KCND1: variants seen among roughly 807,000 people sequenced by gnomAD.
KCND1 encodes the protein A-type voltage-gated potassium channel KCND1.
In KCND1, 11 loss-of-function variants were observed where a neutral mutation model predicts 31.8. The ratio of observed to expected loss-of-function variants is 0.35; its 90% CI spans 0.22 to 0.57. The LOEUF (loss-of-function observed/expected upper bound fraction) is 0.57. Ranked by LOEUF, KCND1 falls within the 20% of genes least tolerant of loss-of-function variation. The pLI is 0.85. For synonymous variants in KCND1, 234 were observed against 248.1 expected (o/e 0.94, Z 0.53); for missense variants, 471 against 596.8 (o/e 0.79, Z 2.20).
rs2064353410 is a variant in KCND1 at position 48,966,315 on chromosome X, G to C, written c.1468-10C>G. ...CTGTGAACTCATGGCACTATGGGCA[G>C]AAGGGAGGCAGGGTCACGGGGCATC... On this transcript the variant is annotated splice_polypyrimidine_tract_variant and intron_variant, in intron 4 of 5. Coordinates refer to ENST00000218176, the MANE Select transcript of KCND1 (RefSeq NM_004979.6). The C allele has an allele frequency of 8.5e-7, 1 of 1,175,415 alleles. No homozygotes were observed. The highest frequency in any genetic ancestry group is 1.1e-6 in the Non-Finnish European group (1 of 876,945).
At chrX:48,969,108 G>A in intron 1 of KCND1, 43 bp downstream of exon 1, 1 of 1,147,132 alleles carries the variant, frequency 8.7e-7, no homozygotes, top group Non-Finnish European at 1.2e-6. Context: ...TACAGAAAGG[G>A]TGAGTGTAAT....
At position 48,967,088 on chromosome X, in the gene KCND1, G is replaced by C; in HGVS notation, c.1140C>G (p.Pro380=). 9.9e-6 allele frequency: 12 copies of C among 1,209,886 alleles called. No homozygotes were observed. The highest frequency in any genetic ancestry group is 1.3e-5 in the Non-Finnish European group (12 of 894,395). The change falls in exon 2 of 6, where the codon CCC becomes CCG. Residue 380 remains proline, a synonymous_variant. Transcript: ENST00000218176. ...CGAAAATCTTGCCAGCAATGGTGCT[G>C]GGCACCATGTCTCCGTAGCTGGAGC... is the stretch of plus-strand genomic sequence containing the variant. ...MTTLGYGDMV[P]STIAGKIFGS... is the part of the protein sequence containing the mutation.
intron 5 of KCND1, among the ~76,000 whole-genome samples, chrX:48,965,598 A>G (rs2064348157): frequency 1.8e-5 from 2 of 111,646 alleles, no homozygotes; most frequent in South Asian, 7.5e-4. Flanking sequence ...TGAAGAGGCC[A>G]GGCGAGGTGG....
At chrX:48,969,062 G>T in intron 1 of KCND1, 89 bp downstream of exon 1, 1 of 959,828 alleles carries the variant, frequency 1.0e-6, no homozygotes, top group Non-Finnish European at 1.4e-6. Context: ...TAAAAAGAAA[G>T]AAAGAAAGAG....
At position 48,969,696 on chromosome X, in the gene KCND1, G is replaced by C. The variant is rs2064374040; in HGVS notation, c.576C>G (p.Thr192=). Residue 192 remains threonine (T), a synonymous_variant, in exon 1 of 6, where the codon ACC becomes ACG. Transcript: ENST00000218176. ...TGACCGACACGGCGATGAAGAAGCCGGTCACATAGTAGAAAACGAGGGCTG... is the reference window on the plus strand; with the variant it reads ...TGACCGACACGGCGATGAAGAAGCCCGTCACATAGTAGAAAACGAGGGCTG... ...STAALVFYYV[T]GFFIAVSVIA... The C allele has an allele frequency of 8.3e-7, 1 of 1,208,240 alleles. No homozygotes were observed. The highest frequency in any genetic ancestry group is 1.1e-6 in the Non-Finnish European group (1 of 894,403).
Position 48,966,187 on chromosome X carries a change from A to C in KCND1, c.1586T>G (p.Leu529Arg). ...GGCCCTGCGAGGGCAGCAAGAAGAC[A>C]GCAGGCTTCCGGGTCCCACTGGCTG... Reference protein sequence around the residue: ...SSQPVGPGSLLSSCCPRRAKR... With the variant: ...SSQPVGPGSLRSSCCPRRAKR... The change falls in exon 5 of 6, where the codon CTG becomes CGG. Residue 529 changes from leucine (L) to arginine (R), a missense_variant. Transcript: ENST00000218176. 2 of 1,210,274 alleles carry C rather than the reference A, an allele frequency of 1.7e-6. No individual in the cohort carries two copies. Among genetic ancestry groups the C allele is most frequent in the Non-Finnish European group, 2.2e-6 (2 of 895,246 alleles).
intron 1 of KCND1, 31 bp downstream of exon 1, chrX:48,969,120 G>A (rs782563885): frequency 2.7e-5 from 32 of 1,174,558 alleles, no homozygotes; most frequent in Admixed American, 1.1e-4. Context: ...GAGTGTAATC[G>A]GGCAGCCCCC....
intron 3 of KCND1, 22 bp from the exon 4 acceptor site, chrX:48,966,698 G>A (rs782094368): frequency 3.3e-6 from 4 of 1,202,433 alleles, no homozygotes; most frequent in Admixed American, 4.4e-5. Flanking sequence ...GGAGCAGAGC[G>A]ATAAGGGCAG....
At position 48,962,497 on chromosome X, in the gene KCND1, G is replaced by T; in HGVS notation, c.*84C>A. On this transcript the variant is annotated 3_prime_UTR_variant, in exon 6 of 6. Transcript: ENST00000218176. The stretch of plus-strand genomic sequence containing the variant: ...GGGGGCAGAAGGGGTGCCCAAGCCT[G>T]CCCCTCTCTGCCTCCCAAAAATATG... 1 of 691,251 alleles carries T rather than the reference G, an allele frequency of 1.4e-6. No homozygotes were observed. 57.0% of individuals were successfully genotyped at this position (691,251 alleles called of 1,213,427 possible).
rs782688783 is a variant in KCND1, at chrX:48,969,468, G to A, written c.804C>T (p.Asp268=). 1.2e-5 allele frequency: 14 copies of A among 1,209,979 alleles called. No homozygotes were observed. The East Asian group carries it at 1.5e-4, about 13-fold the overall frequency. The change falls in exon 1 of 6, where the codon GAC becomes GAT. Residue 268 remains aspartate, a synonymous_variant. Transcript: ENST00000218176. ...RFLRSVMSLI[D]VVAILPYYIG... Reference sequence around the variant, plus strand: ...TGTAGTAGGGCAGGATGGCCACCACGTCGATGAGGCTCATGACACTCCGCA... The same window carrying A: ...TGTAGTAGGGCAGGATGGCCACCACATCGATGAGGCTCATGACACTCCGCA...
chrX:48,969,271 G>A lies in KCND1; in HGVS notation c.1001C>T (p.Thr334Ile). 1.7e-6 allele frequency: 2 copies of A among 1,211,064 alleles called. No homozygotes were observed. The highest frequency in any genetic ancestry group is 3.0e-5 in the East Asian group (1 of 33,838). ...AGTGGCAAAGATGATGATGGCCATG[G>A]TTAGGGAAAAGAGGAGAAAGCCCAG... ...SELGFLLFSL[T>I]MAIIIFATVM... Residue 334 changes from threonine (T) to isoleucine (I), a missense_variant, in exon 1 of 6, where the codon ACC becomes ATC. Thr to Ile is a moderately conservative substitution (Grantham distance 89). Transcript: ENST00000218176.
rs1285497469 is a variant in KCND1 at position 48,971,004 on chromosome X, G to C, written c.-733C>G. 2 of 110,402 alleles carry C rather than the reference G, an allele frequency of 1.8e-5. No individual in the cohort carries two copies. The highest frequency in any genetic ancestry group is 5.7e-4 in the East Asian group (2 of 3,500). 9.1% of individuals were successfully genotyped at this position (110,402 alleles called of 1,213,427 possible). ...CTAGAGTTGCCAAGAATAGCCCGGG[G>C]GGGTGTCTATACTCTACAGGAGTTC... On this transcript the variant is annotated 5_prime_UTR_variant, in exon 1 of 6. Transcript: ENST00000218176.
chrX:48,966,198 G>A lies in KCND1; in HGVS notation c.1575C>T (p.Pro525=), dbSNP rs782507180. The A allele has an allele frequency of 9.1e-6, 11 of 1,209,406 alleles. No homozygotes were observed. Among genetic ancestry groups the A allele is most frequent in the South Asian group, 1.8e-5 (1 of 56,416 alleles). The change falls in exon 5 of 6, where the codon CCC becomes CCT. Residue 525 remains proline (P), a synonymous_variant. Coordinates refer to ENST00000218176, the MANE Select transcript of KCND1 (RefSeq NM_004979.6). ...GGCAGCAAGAAGACAGCAGGCTTCCGGGTCCCACTGGCTGGGAAGACACAG... is the reference window on the plus strand; with the variant it reads ...GGCAGCAAGAAGACAGCAGGCTTCCAGGTCCCACTGGCTGGGAAGACACAG... ...STSVSSQPVG[P]GSLLSSCCPR...
At chrX:48,968,269 A>G (rs1458512098) in intron 1 of KCND1, 2 of 111,770 alleles carry the variant, frequency 1.8e-5, no homozygotes, top group Admixed American at 1.9e-4. Context: ...TGGAAAGCTC[A>G]TGAGTTCGAT....
rs782286317 is a variant in KCND1, at chrX:48,966,969, C to A, written c.1259G>T (p.Arg420Leu). 22 of 1,210,370 alleles carry A rather than the reference C, an allele frequency of 1.8e-5. No homozygotes were observed. The highest frequency in any genetic ancestry group is 2.3e-5 in the Non-Finnish European group (21 of 895,149). Residue 420 changes from arginine (R) to leucine (L), a missense_variant, in exon 2 of 6, where the codon CGG (arginine) becomes CTG (leucine). Transcript: ENST00000218176. ...CTGCTGTGCTCGGCGCTTGTCAGCC[C>A]GCTGGTTCTGGTGGTAGATGCGGCT... ...NFSRIYHQNQ[R>L]ADKRRAQQKV... is the part of the protein sequence containing the mutation.
chrX:48,962,835 G>C, intron 5 of KCND1, 29 bp from the exon 6 acceptor site: 2 of 1,165,379 alleles, frequency 1.7e-6, no homozygotes, highest in Non-Finnish European at 2.3e-6. Context: ...AAGATGGAAG[G>C]CTCTTAAAAA....
chrX:48,962,475 G>GT lies in KCND1; in HGVS notation c.*105_*106insA, dbSNP rs2147714616. 1 of 527,011 alleles carries GT rather than the reference G, an allele frequency of 1.9e-6. No individual in the cohort carries two copies. The highest frequency in any genetic ancestry group is 3.6e-5 in the East Asian group (1 of 27,447). The allele number at this position is 527,011 out of a possible 1,213,427, so 43.4% of individuals were successfully genotyped here. On this transcript the variant is annotated 3_prime_UTR_variant, in exon 6 of 6. Coordinates refer to ENST00000218176, the MANE Select transcript of KCND1 (RefSeq NM_004979.6). ...CCATTGCATAGTTCTCAGTGGGGGG[G>GT]GCAGAAGGGGTGCCCAAGCCTGCCC...
chrX:48,970,641 G>A lies in KCND1; in HGVS notation c.-370C>T, dbSNP rs1321754054. ...TGAGAGGTGTCTGGGGGCGTCTAGA[G>A]GGGCCAAGAAACACGTGGGGAATTC... is the stretch of plus-strand genomic sequence containing the variant. On this transcript the variant is annotated 5_prime_UTR_variant, in exon 1 of 6. Transcript: ENST00000218176. 1 of 162,357 alleles carries A rather than the reference G, an allele frequency of 6.2e-6. No homozygotes were observed. The highest frequency in any genetic ancestry group is 3.0e-5 in the African/African-American group (1 of 32,854). The allele number at this position is 162,357 out of a possible 1,213,427, so 13.4% of individuals were successfully genotyped here. A position where few individuals can be genotyped will look rare whatever the true frequency, so the allele number is the denominator to read the frequency against.
At position 48,962,812 on chromosome X, in the gene KCND1, G is replaced by C; in HGVS notation, c.1719-6C>G. 8.4e-7 allele frequency: 1 copy of C among 1,195,398 alleles called. No homozygotes were observed. The highest frequency in any genetic ancestry group is 3.0e-5 in the East Asian group (1 of 33,626). On this transcript the variant is annotated splice_region_variant and splice_polypyrimidine_tract_variant and intron_variant, in intron 5 of 5. Transcript: ENST00000218176. The stretch of plus-strand genomic sequence containing the variant: ...TGGCATTGAGGCTGGAACGGCTGTG[G>C]ACAAGGGTGGAGAAGATGGAAGGCT...
Sources: allele counts gnomAD v4.1 joint callset (sites outside exome capture counted in the v4.1 genomes callset), GRCh38; gene constraint gnomAD v4.1.1; transcripts MANE v1.5; gene names NCBI Gene and HGNC (gene_info 2026-07-23, HGNC 2026-07-21).